Variants in DPYSL5 observed in about 807,000 individuals in gnomAD.
DPYSL5 encodes the protein dihydropyrimidinase-related protein 5.
A neutral mutation model predicts 58.4 loss-of-function variants in DPYSL5; 9 were observed. That is an observed-to-expected ratio of 0.15 (90% CI 0.09 to 0.27). DPYSL5 has a LOEUF of 0.27. Among genes scored for constraint, DPYSL5 ranks in the 10% least tolerant of loss-of-function variants. The pLI, the probability that DPYSL5 is intolerant of heterozygous loss-of-function variation, is 1.00. For missense variants in DPYSL5, 499 were observed against 770.6 expected (o/e 0.65, Z 4.17); for synonymous variants, 293 against 301.9 (o/e 0.97, Z 0.31).
chr2:26,935,005 T>A (rs1236389880), intron 8 of DPYSL5, among the ~76,000 whole-genome samples: 4 of 152,076 alleles, frequency 2.6e-5, no homozygotes, highest in Admixed American at 2.6e-4. Context: ...AGGACATTGA[T>A]CTCTTACTCT....
chr2:26,881,910 T>C (rs1479054734), intron 1 of DPYSL5, among the ~76,000 whole-genome samples: 1 of 151,642 alleles, frequency 6.6e-6, no homozygotes, highest in Non-Finnish European at 1.5e-5. Context: ...GCTAACACGG[T>C]GAAACCCCAT....
At chr2:26,940,498 T>C (rs1665288161) in intron 9 of DPYSL5, among the ~76,000 whole-genome samples, 1 of 19,834 alleles carries the variant, frequency 5.0e-5, no homozygotes, top group African/African-American at 9.9e-5. Flanking sequence ...GCATGTACTG[T>C]ACTTTTTTTT....
Position 26,854,853 on chromosome 2 carries a change from C to G in DPYSL5, c.-5+6599C>G, listed in dbSNP as rs560235074. Among the ~76,000 whole-genome samples the G allele has an allele frequency of 9.9e-5, 15 of 151,960 alleles. 1 individual carries two copies. The South Asian group carries it at 3.1e-3, about 32-fold the overall frequency. ...TTTCTTTTTGAGATGGAGTCTTACT[C>G]TGTCGCCCATGCTGGAGTTCAGTGG... On this transcript the variant is annotated intron_variant, in intron 1 of 12. Coordinates refer to ENST00000288699, the MANE Select transcript of DPYSL5 (RefSeq NM_020134.4).
At chr2:26,937,884 G>C (rs1371981684) in intron 8 of DPYSL5, among the ~76,000 whole-genome samples, 1 of 151,848 alleles carries the variant, frequency 6.6e-6, no homozygotes, top group African/African-American at 2.4e-5. Context: ...CCTAATTTTT[G>C]TATTTTTTGT....
intron 1 of DPYSL5, among the ~76,000 whole-genome samples, chr2:26,852,720 T>C (rs190913017): frequency 6.6e-6 from 1 of 152,320 alleles, no homozygotes; most frequent in African/African-American, 2.4e-5. Context: ...ATGGTTGTAT[T>C]AGGTTGGTGC....
chr2:26,923,042 T>A (rs548684281), intron 2 of DPYSL5, among the ~76,000 whole-genome samples: 53 of 152,266 alleles, frequency 3.5e-4, no homozygotes, highest in African/African-American at 4.8e-5. Context: ...ACTGAGCTAA[T>A]TTTTTTTCAG....
At chr2:26,855,538 A>G (rs117976555) in intron 1 of DPYSL5, among the ~76,000 whole-genome samples, 3,104 of 152,254 alleles carry the variant, frequency 0.02, 331 homozygotes, top group Admixed American at 0.17. Context: ...GTCACTCCCT[A>G]CTACCTAACA....
chr2:26,928,393 G>A, intron 5 of DPYSL5, 70 bp downstream of exon 5: 1 of 1,540,428 alleles, frequency 6.5e-7, no homozygotes. Context: ...CAGGATGGAG[G>A]AGACATCAAA....
In DPYSL5 at chr2:26,927,103, G is replaced by T; in HGVS notation, c.421-150G>T. On this transcript the variant is annotated intron_variant, in intron 3 of 12. Transcript: ENST00000288699. The surrounding 1 kb of genome is among the most constrained non-coding windows in gnomAD (Gnocchi z 4.3). ...TGGCCTCACAGCAGCCTGTGGGGTGGGAGGAAAGTGAGATAGAGAGGTGTG... is the reference window on the plus strand; with the variant it reads ...TGGCCTCACAGCAGCCTGTGGGGTGTGAGGAAAGTGAGATAGAGAGGTGTG... 1 of 749,630 alleles carries T rather than the reference G, an allele frequency of 1.3e-6. No homozygotes were observed. 46.4% of individuals were successfully genotyped at this position (749,630 alleles called of 1,614,324 possible). A position where few individuals can be genotyped will look rare whatever the true frequency, so the allele number is the denominator to read the frequency against.
chr2:26,880,931 C>G (rs1663544325), intron 1 of DPYSL5, among the ~76,000 whole-genome samples: 1 of 152,238 alleles, frequency 6.6e-6, no homozygotes, highest in African/African-American at 2.4e-5. Flanking sequence ...AAGCTTCAGT[C>G]TGTTGGGCAT....
intron 1 of DPYSL5, among the ~76,000 whole-genome samples, chr2:26,862,425 A>C (rs546723383): frequency 3.8e-4 from 58 of 152,216 alleles, no homozygotes; most frequent in African/African-American, 1.1e-3. Flanking sequence ...CACTTTGGAG[A>C]GTGATTATTA....
chr2:26,900,763 C>T (rs1321349131), intron 2 of DPYSL5, among the ~76,000 whole-genome samples: 1 of 152,206 alleles, frequency 6.6e-6, no homozygotes, highest in African/African-American at 2.4e-5. Context: ...GGGGTCCATT[C>T]TGTAGCATGC....
rs904597898 is a variant in DPYSL5 at position 26,950,124 on chromosome 2, C to T, written c.*3129C>T. 6.6e-6 allele frequency: 1 copy of T among 152,190 alleles called. No homozygotes were observed. Among genetic ancestry groups the T allele is most frequent in the African/African-American group, 2.4e-5 (1 of 41,414 alleles). The allele number at this position is 152,190 out of a possible 1,614,324, so 9.4% of individuals were successfully genotyped here. A position where few individuals can be genotyped will look rare whatever the true frequency, so the allele number is the denominator to read the frequency against. On this transcript the variant is annotated 3_prime_UTR_variant, in exon 13 of 13. Transcript: ENST00000288699. This position sits in a 1 kb window ranked among gnomAD's most constrained non-coding sequence, Gnocchi z 5.3. ...CACAGAACCACAAGGAAACCCAAAC[C>T]CCCTCCAGCTGCTGAGGCGCAGGCA...
chr2:26,938,278 G>A (rs1189873358), intron 8 of DPYSL5, among the ~76,000 whole-genome samples: 1 of 152,238 alleles, frequency 6.6e-6, no homozygotes, highest in African/African-American at 2.4e-5. Context: ...CAGGAGTTGA[G>A]CCTGTTGCTC....
intron 1 of DPYSL5, among the ~76,000 whole-genome samples, chr2:26,869,733 C>T (rs1190622893): frequency 1.3e-5 from 2 of 152,108 alleles, no homozygotes; most frequent in Admixed American, 1.3e-4. Context: ...ATGTATCGGC[C>T]GGACGCGGTG....
In DPYSL5 at chr2:26,944,957, G is replaced by A. The variant is rs1416866628; in HGVS notation, c.1609+133G>A. ...TTGCCTATTTCCAGGGATGAGTGCT[G>A]GTTTGGATATTAGACTCACATAGAC... On this transcript the variant is annotated intron_variant, in intron 12 of 12. Coordinates refer to ENST00000288699, the MANE Select transcript of DPYSL5 (RefSeq NM_020134.4). The surrounding 1 kb of genome is among the most constrained non-coding windows in gnomAD (Gnocchi z 4.4). The A allele has an allele frequency of 1.2e-6, 1 of 863,592 alleles. No individual in the cohort carries two copies. The highest frequency in any genetic ancestry group is 1.8e-6 in the Non-Finnish European group (1 of 568,040). The allele number at this position is 863,592 out of a possible 1,614,324, so 53.5% of individuals were successfully genotyped here. A position where few individuals can be genotyped will look rare whatever the true frequency, so the allele number is the denominator to read the frequency against.
At chr2:26,919,316 G>A (rs1664649460) in intron 2 of DPYSL5, among the ~76,000 whole-genome samples, 1 of 152,146 alleles carries the variant, frequency 6.6e-6, no homozygotes, top group East Asian at 1.9e-4. Flanking sequence ...CCAAGTGTAT[G>A]CCTGGAAACT....
Position 26,898,521 on chromosome 2 carries a change from G to T in DPYSL5, c.22G>T (p.Val8Leu). The T allele has an allele frequency of 6.2e-7, 1 of 1,614,106 alleles. No individual in the cohort carries two copies. Residue 8 changes from valine (V) to leucine (L), a missense_variant, in exon 2 of 13, where the codon GTG (valine) becomes TTG (leucine). Around this residue, in one of 3 missense-constraint regions of DPYSL5, gnomAD observed 404 missense variants for 647.6 expected, o/e 0.62. Coordinates refer to ENST00000288699, the MANE Select transcript of DPYSL5 (RefSeq NM_020134.4). The surrounding 1 kb of genome is among the most constrained non-coding windows in gnomAD (Gnocchi z 6.1). The part of the protein sequence containing the change: MLANSAS[V>L]RILIKGGKVV... ...GAACATGCTTGCCAACTCAGCCAGC[G>T]TGAGGATCCTCATCAAGGGAGGCAA...
chr2:26,928,704 T>TATACACACACACACACACACACACAC, intron 5 of DPYSL5, among the ~76,000 whole-genome samples: 1 of 62,930 alleles, frequency 1.6e-5, no homozygotes, highest in Admixed American at 1.2e-4. Flanking sequence ...TATATATATA[T>TATACACACACACACACACACACACAC]ACACACACAC....
Sources: allele counts gnomAD v4.1 joint callset (sites outside exome capture counted in the v4.1 genomes callset), GRCh38; gene constraint gnomAD v4.1.1; regional missense constraint gnomAD v4.1.1; non-coding constraint Gnocchi (gnomAD v3.1); transcripts MANE v1.5; gene names NCBI Gene and HGNC (gene_info 2026-07-23, HGNC 2026-07-21).